Variants in FAF1 observed in about 807,000 individuals in gnomAD.
FAF1 encodes the protein Fas associated factor 1.
Under a neutral mutation model 92.5 loss-of-function variants are expected in FAF1, and 25 were observed. The ratio of observed to expected loss-of-function variants is 0.27; its 90% confidence interval spans 0.20 to 0.38. FAF1 has a LOEUF of 0.38. FAF1 is among the 10% of genes least tolerant of loss of function. The probability of loss-of-function intolerance (pLI) is 1.00; values close to 1 mark genes in which losing one functional copy is unlikely to be tolerated. For missense variants in FAF1, 636 were observed against 793.3 expected (o/e 0.80, Z 2.38); for synonymous variants, 234 against 273.2 (o/e 0.86, Z 1.42).
chr1:50,827,750 A>G (rs1644115317), intron 2 of FAF1, among the ~76,000 whole-genome samples: 1 of 152,222 alleles, frequency 6.6e-6, no homozygotes. Flanking sequence ...AAATATCTGA[A>G]TAAAAATATC....
At chr1:50,845,085 G>C (rs546723085) in intron 2 of FAF1, among the ~76,000 whole-genome samples, 1 of 152,154 alleles carries the variant, frequency 6.6e-6, no homozygotes, top group South Asian at 2.1e-4. Context: ...TTGACTCTCA[G>C]ATCCAAAAGC....
Position 50,913,291 on chromosome 1 carries a change from T to G in FAF1, c.45+46476A>C, listed in dbSNP as rs545397271. On this transcript the variant is annotated intron_variant, in intron 1 of 18. Coordinates refer to ENST00000396153, the MANE Select transcript of FAF1 (RefSeq NM_007051.3). ...TGGATCGACTTTATACAAATACATT[T>G]CTTTTGCACTGCTCAGATATTTTAA... Among the ~76,000 whole-genome samples, 27 of 152,348 alleles carry G rather than the reference T, an allele frequency of 1.8e-4. No homozygotes were observed. The South Asian group carries it at 5.6e-3, about 32-fold the overall frequency.
intron 1 of FAF1, among the ~76,000 whole-genome samples, chr1:50,935,146 A>T (rs894192487): frequency 2.0e-5 from 3 of 152,214 alleles, no homozygotes; most frequent in Admixed American, 2.0e-4. Context: ...AATTGTTTTA[A>T]ATAGGAGAAA....
chr1:50,782,931 T>C lies in FAF1; in HGVS notation c.367+5069A>G, dbSNP rs1262074012. ...CATCCCATTAAGGTGTTACTTTTTA[T>C]ACCATATTTTAATATACAGAAATAA... On this transcript the variant is annotated intron_variant, in intron 4 of 18. Transcript: ENST00000396153. 2.0e-5 allele frequency among the ~76,000 whole-genome samples: 3 copies of C among 152,026 alleles called. No individual in the cohort carries two copies. In the East Asian group the frequency reaches 5.8e-4, roughly 29 times the overall value.
chr1:50,686,441 C>T (rs1656659905), intron 7 of FAF1, among the ~76,000 whole-genome samples: 1 of 152,024 alleles, frequency 6.6e-6, no homozygotes. Context: ...ACTCAGGAGG[C>T]TGGGGCAGGA....
At chr1:50,457,724 C>CAAAAAAAAAAAAAAAAA (rs35479561) in intron 18 of FAF1, among the ~76,000 whole-genome samples, 26 of 56,550 alleles carry the variant, frequency 4.6e-4, no homozygotes, top group African/African-American at 1.3e-3. Flanking sequence ...CCCATCTCTG[C>CAAAAAAAAAAAAAAAAA]AAAAAAAAAA....
chr1:50,620,871 C>T (rs1557439591), intron 8 of FAF1, among the ~76,000 whole-genome samples: 1 of 152,262 alleles, frequency 6.6e-6, no homozygotes, highest in Non-Finnish European at 1.5e-5. Flanking sequence ...ATGGCTCCCT[C>T]ACCAGGTCTG....
At chr1:50,539,770 T>TTTAC in intron 13 of FAF1, 42 bp from the exon 14 acceptor site, 1 of 1,479,488 alleles carries the variant, frequency 6.8e-7, no homozygotes, top group Non-Finnish European at 9.4e-7. Flanking sequence ...GCTTTGTAGT[T>TTTAC]TAATAGATTT....
chr1:50,607,895 G>A (rs1652500226), intron 8 of FAF1, among the ~76,000 whole-genome samples: 1 of 152,212 alleles, frequency 6.6e-6, no homozygotes, highest in Non-Finnish European at 1.5e-5. Flanking sequence ...TGCAGGGCAG[G>A]CGAGTCCCAA....
chr1:50,873,813 T>C (rs1367112195), intron 1 of FAF1, among the ~76,000 whole-genome samples: 1 of 152,166 alleles, frequency 6.6e-6, no homozygotes, highest in East Asian at 1.9e-4. Flanking sequence ...GTTGCTGTGT[T>C]TCACTGCTGA....
At chr1:50,527,230 C>T (rs114796791) in intron 15 of FAF1, among the ~76,000 whole-genome samples, 1 of 152,070 alleles carries the variant, frequency 6.6e-6, no homozygotes. Context: ...TTTGCAGTCA[C>T]CTGGTGAGTA....
chr1:50,574,440 C>G (rs1386284538), intron 12 of FAF1, among the ~76,000 whole-genome samples: 1 of 152,282 alleles, frequency 6.6e-6, no homozygotes, highest in East Asian at 1.9e-4. Context: ...AGACACAGTA[C>G]TAAGGACTTT....
At chr1:50,619,754 G>A (rs1184546957) in intron 8 of FAF1, among the ~76,000 whole-genome samples, 1 of 151,974 alleles carries the variant, frequency 6.6e-6, no homozygotes, top group Admixed American at 6.6e-5. Context: ...ATCTAACCAG[G>A]GTTCTCTGTA....
At chr1:50,623,123 A>T (rs1345418890) in intron 8 of FAF1, among the ~76,000 whole-genome samples, 1 of 152,214 alleles carries the variant, frequency 6.6e-6, no homozygotes, top group Non-Finnish European at 1.5e-5. Flanking sequence ...CTCAAGTATC[A>T]ATAAGCTCAA....
At chr1:50,810,427 C>T (rs1427436756) in intron 2 of FAF1, among the ~76,000 whole-genome samples, 1 of 152,144 alleles carries the variant, frequency 6.6e-6, no homozygotes, top group African/African-American at 2.4e-5. Context: ...AAGGAGCACA[C>T]TTCAAAATAA....
chr1:50,521,105 A>G (rs1279236875), intron 15 of FAF1, among the ~76,000 whole-genome samples: 1 of 152,208 alleles, frequency 6.6e-6, no homozygotes, highest in Non-Finnish European at 1.5e-5. Flanking sequence ...AACTATATAT[A>G]CATTGTAGAA....
intron 1 of FAF1, among the ~76,000 whole-genome samples, chr1:50,936,387 G>A (rs1237155858): frequency 2.0e-5 from 3 of 152,184 alleles, no homozygotes; most frequent in Non-Finnish European, 4.4e-5. Flanking sequence ...GTAAGTAACT[G>A]TCAGAGAAGA....
chr1:50,832,633 T>C (rs1644164551), intron 2 of FAF1, among the ~76,000 whole-genome samples: 1 of 152,198 alleles, frequency 6.6e-6, no homozygotes, highest in African/African-American at 2.4e-5. Flanking sequence ...ACCAAAACTT[T>C]ACAACCTTGG....
chr1:50,472,158 G>C (rs1389990357), intron 18 of FAF1, among the ~76,000 whole-genome samples: 3 of 152,074 alleles, frequency 2.0e-5, no homozygotes, highest in South Asian at 4.2e-4. Flanking sequence ...CTCTAACTCA[G>C]AGACAGGAGT....
Sources: gnomAD v4.1 joint callset for allele counts (sites outside exome capture counted in the v4.1 genomes callset) on GRCh38, gnomAD v4.1.1 for gene constraint, MANE v1.5 for transcripts, NCBI Gene and HGNC (gene_info 2026-07-23, HGNC 2026-07-21) for gene names.